The following ZNF697 variants were observed in gnomAD, a reference collection of about 807,000 sequenced individuals.
ZNF697 encodes zinc finger protein 697.
ZNF697 carries 23 observed loss-of-function variants against 32.4 expected under a neutral mutation model. That is an observed-to-expected ratio of 0.71 (90% CI 0.51 to 1.01). ZNF697 has a LOEUF of 1.01. ZNF697 is among the 50% of genes least tolerant of loss of function. ZNF697 has a pLI of 0.00. For synonymous variants in ZNF697, 418 were observed against 337.2 expected (o/e 1.24, Z -2.62); for missense variants, 930 against 794.0 (o/e 1.17, Z -2.06).
chr1:119,641,774 C>T (rs866232999), intron 1 of ZNF697, among the ~76,000 whole-genome samples: 2 of 152,156 alleles, frequency 1.3e-5, no homozygotes, highest in African/African-American at 2.4e-5. Context: ...CCCCTTTGCT[C>T]GGCACTTCTC....
In ZNF697 at chr1:119,621,320, C is replaced by T. The variant is rs587663554; in HGVS notation, c.*1385G>A. On this transcript the variant is annotated 3_prime_UTR_variant, in exon 3 of 3. Transcript: ENST00000421812. Reference sequence around the variant, plus strand: ...GCCTCTCTTCAGGACAGCCTGCACACTCCTGTTCCCAGGCCTTCCCTAAGA... The same window carrying T: ...GCCTCTCTTCAGGACAGCCTGCACATTCCTGTTCCCAGGCCTTCCCTAAGA... The T allele has an allele frequency of 6.5e-6, 1 of 152,738 alleles. No homozygotes were observed. Among genetic ancestry groups the T allele is most frequent in the African/African-American group, 2.4e-5 (1 of 41,580 alleles). The allele number at this position is 152,738 out of a possible 1,614,324, so 9.5% of individuals were successfully genotyped here.
At chr1:119,633,732 C>A (rs978891649) in intron 1 of ZNF697, among the ~76,000 whole-genome samples, 1 of 152,230 alleles carries the variant, frequency 6.6e-6, no homozygotes, top group African/African-American at 2.4e-5. Flanking sequence ...AATTAACCAT[C>A]ATACATACTG....
chr1:119,642,011 T>C (rs1020733831), intron 1 of ZNF697, among the ~76,000 whole-genome samples: 1 of 152,188 alleles, frequency 6.6e-6, no homozygotes, highest in Non-Finnish European at 1.5e-5. Context: ...ACTCGCTCAT[T>C]AGAATGGCCA....
intron 1 of ZNF697, among the ~76,000 whole-genome samples, chr1:119,640,040 T>A (rs587730494): frequency 6.6e-6 from 1 of 152,346 alleles, no homozygotes; most frequent in African/African-American, 2.4e-5. Flanking sequence ...ATTATTATTA[T>A]TTTTTCACTT....
At position 119,624,099 on chromosome 1, in the gene ZNF697, C is replaced by G. The variant is rs587682010; in HGVS notation, c.244G>C (p.Glu82Gln). The change falls in exon 3 of 3, where the codon GAA (glutamate) becomes CAA (glutamine). Residue 82 changes from glutamate to glutamine, a missense_variant. Physicochemically the swap from Glu to Gln is conservative, Grantham distance 29. Transcript: ENST00000421812. ...DICTEGQLSE[E>Q]EGVSVRGEED... ...TCCCCACGGACAGAAACGCCTTCTT[C>G]CTCACTCAGCTGCCCCTCTGCAACA... The G allele has an allele frequency of 3.2e-6, 5 of 1,580,052 alleles. No homozygotes were observed. In the East Asian group the frequency reaches 1.1e-4, roughly 36 times the overall value.
At chr1:119,624,211 C>T (rs1648501419) in intron 2 of ZNF697, 95 bp from the exon 3 acceptor site, 1 of 1,390,224 alleles carries the variant, frequency 7.2e-7, no homozygotes, top group Non-Finnish European at 9.5e-7. Context: ...GTGATCCCCT[C>T]CCTCAGGCAC....
intron 1 of ZNF697, among the ~76,000 whole-genome samples, chr1:119,636,231 C>T (rs1648915555): frequency 6.6e-6 from 1 of 152,136 alleles, no homozygotes; most frequent in Non-Finnish European, 1.5e-5. Context: ...GAGTTCTTAG[C>T]CTGAGGGCCT....
In ZNF697 at chr1:119,619,951, T is replaced by C. The variant is rs1027469099; in HGVS notation, c.*2754A>G. On this transcript the variant is annotated 3_prime_UTR_variant, in exon 3 of 3. Transcript: ENST00000421812. ...GGAAAAAGTCCTCAGATTAACGTTT[T>C]CAAGGGTGAACCGCAGTTAGCAGGG... The C allele has an allele frequency of 2.6e-5, 4 of 152,628 alleles. No homozygotes were observed. The highest frequency in any genetic ancestry group is 6.5e-5 in the Admixed American group (1 of 15,284). 9.5% of individuals were successfully genotyped at this position (152,628 alleles called of 1,614,324 possible).
intron 2 of ZNF697, among the ~76,000 whole-genome samples, chr1:119,624,851 A>G (rs944763894): frequency 6.6e-5 from 10 of 151,978 alleles, no homozygotes; most frequent in Non-Finnish European, 1.2e-4. Flanking sequence ...TCGGCTCCCA[A>G]AGAGCTGGGA....
chr1:119,636,272 G>A (rs1003118644), intron 1 of ZNF697, among the ~76,000 whole-genome samples: 1 of 152,160 alleles, frequency 6.6e-6, no homozygotes, highest in Non-Finnish European at 1.5e-5. Context: ...GCAACCATAC[G>A]GAAATGTGTC....
chr1:119,626,981 T>C (rs1648610271), intron 1 of ZNF697, among the ~76,000 whole-genome samples: 1 of 152,236 alleles, frequency 6.6e-6, no homozygotes, highest in African/African-American at 2.4e-5. Context: ...ATGTGAATCA[T>C]AGGGAGAAAA....
At chr1:119,640,367 C>T (rs1649034895) in intron 1 of ZNF697, among the ~76,000 whole-genome samples, 1 of 152,194 alleles carries the variant, frequency 6.6e-6, no homozygotes, top group Non-Finnish European at 1.5e-5. Flanking sequence ...ATAGAGACAA[C>T]CTAACTCTCC....
chr1:119,628,759 AT>A (rs950919795), intron 1 of ZNF697, among the ~76,000 whole-genome samples: 8 of 152,216 alleles, frequency 5.3e-5, no homozygotes, highest in African/African-American at 1.9e-4. Context: ...GTTTTAGGCA[AT>A]TGTCAGGTGA....
At chr1:119,646,322 A>AACACACACACACACACACACACAC (rs61339576) in intron 1 of ZNF697, among the ~76,000 whole-genome samples, 1 of 136,830 alleles carries the variant, frequency 7.3e-6, no homozygotes, top group African/African-American at 2.8e-5. Context: ...CCCCACTTCC[A>AACACACACACACACACACACACAC]ACACACACAC....
Position 119,622,746 on chromosome 1 carries a change from T to G in ZNF697, c.1597A>C (p.Lys533Gln). ...TTCTGGTGCTGCGCGAGGTGCGTTT[T>G]ATAGCGGAAGCCTTTGCCGCAGCCC... ...CAGCGKGFRY[K>Q]THLAQHQKLH... is the part of the protein sequence containing the mutation. Residue 533 changes from lysine (K) to glutamine (Q), a missense_variant, in exon 3 of 3, where the codon AAA (lysine) becomes CAA (glutamine). Physicochemically the swap from Lys to Gln is moderately conservative, Grantham distance 53. Transcript: ENST00000421812. 6.4e-7 allele frequency: 1 copy of G among 1,571,982 alleles called. No individual in the cohort carries two copies. The highest frequency in any genetic ancestry group is 2.4e-5 in the East Asian group (1 of 42,404).
intron 1 of ZNF697, among the ~76,000 whole-genome samples, chr1:119,647,170 G>A (rs1288718569): frequency 1.3e-5 from 2 of 152,152 alleles, no homozygotes; most frequent in Non-Finnish European, 2.9e-5. Flanking sequence ...CCGATGCATG[G>A]CCATAATGTA....
At position 119,623,383 on chromosome 1, in the gene ZNF697, G is replaced by T; in HGVS notation, c.960C>A (p.Pro320=). The change falls in exon 3 of 3, where the codon CCC becomes CCA. Residue 320 remains proline, a synonymous_variant. Coordinates refer to ENST00000421812, the MANE Select transcript of ZNF697 (RefSeq NM_001080470.2). ...TGAGGCTGAAGGCCTCGCCGCACTC[G>T]GGGCACGGGTAGGGCTTCTCGCCCG... ...LHTGEKPYPC[P]ECGEAFSLSS... is the part of the protein sequence containing the mutation. 1 of 1,487,504 alleles carries T rather than the reference G, an allele frequency of 6.7e-7. No individual in the cohort carries two copies. Among genetic ancestry groups the T allele is most frequent in the South Asian group, 1.3e-5 (1 of 78,660 alleles). The allele number at this position is 1,487,504 out of a possible 1,614,324, so 92.1% of individuals were successfully genotyped here. A position where few individuals can be genotyped will look rare whatever the true frequency, so the allele number is the denominator to read the frequency against.
Position 119,622,723 on chromosome 1 carries a change from C to T in ZNF697, c.1620G>A (p.Gln540=), listed in dbSNP as rs1479830033. The stretch of plus-strand genomic sequence containing the variant: ...CCAGCCCCTAACACAGGTGCAGCTT[C>T]TGGTGCTGCGCGAGGTGCGTTTTAT... ...FRYKTHLAQH[Q]KLHLC Residue 540 remains glutamine (Q), a synonymous_variant, in exon 3 of 3, where the codon CAG becomes CAA. Transcript: ENST00000421812. 2.6e-6 allele frequency: 4 copies of T among 1,543,734 alleles called. No individual in the cohort carries two copies. The highest frequency in any genetic ancestry group is 3.5e-6 in the Non-Finnish European group (4 of 1,142,568).
intron 1 of ZNF697, among the ~76,000 whole-genome samples, chr1:119,646,762 G>A (rs955383851): frequency 6.6e-6 from 1 of 152,174 alleles, no homozygotes; most frequent in African/African-American, 2.4e-5. Context: ...GGTGAGGGGA[G>A]AAAGGAGAGA....
Sources: gnomAD v4.1 joint callset for allele counts (sites outside exome capture counted in the v4.1 genomes callset) on GRCh38, gnomAD v4.1.1 for gene constraint, MANE v1.5 for transcripts, NCBI Gene and HGNC (gene_info 2026-07-23, HGNC 2026-07-21) for gene names.